Variants in ME1 observed in about 807,000 individuals in gnomAD.
ME1 encodes the protein NADP-dependent malic enzyme.
Under a neutral mutation model 66.4 loss-of-function variants are expected in ME1, and 74 were observed. The observed-to-expected ratio is 1.11, with a 90% CI of 0.92 to 1.35. The LOEUF is 1.35. ME1 is among the 40% of genes most tolerant of loss of function. The pLI, the probability that ME1 is intolerant of heterozygous loss-of-function variation, is 0.00. For missense variants in ME1, 750 were observed against 694.1 expected (o/e 1.08, Z -0.90); for synonymous variants, 251 against 235.6 (o/e 1.07, Z -0.60).
chr6:83,284,323 C>T (rs1350721305), intron 6 of ME1, among the ~76,000 whole-genome samples: 1 of 152,036 alleles, frequency 6.6e-6, no homozygotes, highest in Non-Finnish European at 1.5e-5. Context: ...CAAAGAAAAG[C>T]TGGTCCATAT....
At chr6:83,280,023 T>C (rs1364831214) in intron 6 of ME1, among the ~76,000 whole-genome samples, 1 of 152,166 alleles carries the variant, frequency 6.6e-6, no homozygotes, top group Non-Finnish European at 1.5e-5. Context: ...CATCATGTAA[T>C]ACACTGATAT....
intron 1 of ME1, among the ~76,000 whole-genome samples, chr6:83,429,159 A>G (rs1050951013): frequency 6.6e-6 from 1 of 152,142 alleles, no homozygotes; most frequent in Non-Finnish European, 1.5e-5. Context: ...GCTACTCGGG[A>G]GGCTGAGGCA....
At chr6:83,362,618 G>A (rs1350733522) in intron 3 of ME1, among the ~76,000 whole-genome samples, 4 of 152,244 alleles carry the variant, frequency 2.6e-5, no homozygotes, top group African/African-American at 9.6e-5. Context: ...CTGAGCCCTC[G>A]ATATGGTGCC....
At chr6:83,349,586 A>C (rs1768759997) in intron 4 of ME1, among the ~76,000 whole-genome samples, 1 of 152,128 alleles carries the variant, frequency 6.6e-6, no homozygotes, top group Non-Finnish European at 1.5e-5. Flanking sequence ...CCTTCATTTA[A>C]TTTCCCAAGG....
intron 6 of ME1, among the ~76,000 whole-genome samples, chr6:83,309,532 G>C (rs992489796): frequency 6.6e-6 from 1 of 152,132 alleles, no homozygotes; most frequent in Non-Finnish European, 1.5e-5. Context: ...GCAGGGCTGG[G>C]AGTCAGTGGG....
At position 83,319,555 on chromosome 6, in the gene ME1, C is replaced by A. The variant is rs370140235; in HGVS notation, c.601-4142G>T. On this transcript the variant is annotated intron_variant, in intron 5 of 13. Transcript: ENST00000369705. Reference sequence around the variant, plus strand: ...AGAGACACTTCAAATGAAAATAATTCTCTGGGTCCCCAATTTTCTGTAGTC... The same window carrying A: ...AGAGACACTTCAAATGAAAATAATTATCTGGGTCCCCAATTTTCTGTAGTC... 5.1e-4 allele frequency among the ~76,000 whole-genome samples: 78 copies of A among 152,226 alleles called. 1 individual carries two copies. Among genetic ancestry groups the A allele is most frequent in the African/African-American group, 1.7e-3 (72 of 41,556 alleles).
At position 83,298,931 on chromosome 6, in the gene ME1, G is replaced by GTTTTTTTTTTTTTT. The variant is rs61055748; in HGVS notation, c.704+16365_704+16378dup. On this transcript the variant is annotated intron_variant, in intron 6 of 13. Coordinates refer to ENST00000369705, the MANE Select transcript of ME1 (RefSeq NM_002395.6). ...TGCTGTTCCATTAGTCTATGTGTCTGTTTTTTTTTTTTTTTTTTTTTTTTT... is the reference window on the plus strand; with the variant it reads ...TGCTGTTCCATTAGTCTATGTGTCTGTTTTTTTTTTTTTTTTTTTTTTTTTTTTTTTTTTTTTTT... Among the ~76,000 whole-genome samples, 12 of 22,496 alleles carry GTTTTTTTTTTTTTT rather than the reference G, an allele frequency of 5.3e-4. 1 individual carries two copies. The highest frequency in any genetic ancestry group is 2.8e-3 in the East Asian group (2 of 708). The allele number at this position is 22,496 out of a possible 152,430, so 14.8% of individuals were successfully genotyped here.
At chr6:83,270,979 T>C (rs867113242) in intron 6 of ME1, among the ~76,000 whole-genome samples, 26 of 151,482 alleles carry the variant, frequency 1.7e-4, no homozygotes, top group Middle Eastern at 3.4e-3. Context: ...CAAACAAATT[T>C]AGTTAATTTC....
At chr6:83,331,740 C>A (rs373776633) in intron 5 of ME1, among the ~76,000 whole-genome samples, 1 of 152,084 alleles carries the variant, frequency 6.6e-6, no homozygotes, top group African/African-American at 2.4e-5. Context: ...GACTTCCAGC[C>A]CCCAGAACTG....
At chr6:83,218,254 C>T (rs1412057826) in intron 12 of ME1, among the ~76,000 whole-genome samples, 2 of 152,142 alleles carry the variant, frequency 1.3e-5, no homozygotes, top group African/African-American at 2.4e-5. Context: ...CACCCCCTTC[C>T]AGAAGGCTGA....
At chr6:83,298,626 A>G (rs1340208204) in intron 6 of ME1, among the ~76,000 whole-genome samples, 1 of 152,030 alleles carries the variant, frequency 6.6e-6, no homozygotes, top group Middle Eastern at 3.2e-3. Flanking sequence ...TGTTTCTGTC[A>G]TGAAATCTTT....
chr6:83,219,877 T>C (rs1189306260), intron 12 of ME1, among the ~76,000 whole-genome samples: 1 of 151,842 alleles, frequency 6.6e-6, no homozygotes, highest in Non-Finnish European at 1.5e-5. Context: ...CGTGAGCCAC[T>C]GCATCTGGCC....
intron 5 of ME1, among the ~76,000 whole-genome samples, chr6:83,327,748 G>A (rs1213497798): frequency 6.6e-6 from 1 of 152,076 alleles, no homozygotes; most frequent in African/African-American, 2.4e-5. Context: ...CTTGATGTCT[G>A]TCACCCACAC....
At chr6:83,424,674 G>A (rs868183657) in intron 1 of ME1, among the ~76,000 whole-genome samples, 61 of 152,184 alleles carry the variant, frequency 4.0e-4, no homozygotes, top group African/African-American at 1.4e-3. Context: ...GCAAGGGAAA[G>A]TGCTGTATTA....
intron 3 of ME1, among the ~76,000 whole-genome samples, chr6:83,358,218 C>A (rs964068899): frequency 6.6e-6 from 1 of 151,688 alleles, no homozygotes; most frequent in African/African-American, 2.4e-5. Flanking sequence ...TTGGCGTGAA[C>A]TGTTTACAGA....
chr6:83,288,296 T>C (rs1383900701), intron 6 of ME1, among the ~76,000 whole-genome samples: 1 of 152,172 alleles, frequency 6.6e-6, no homozygotes, highest in African/African-American at 2.4e-5. Context: ...AGGTCTTACA[T>C]TTAAGTCTTT....
At chr6:83,400,421 A>G (rs1769817495) in intron 2 of ME1, among the ~76,000 whole-genome samples, 3 of 152,130 alleles carry the variant, frequency 2.0e-5, no homozygotes, top group Admixed American at 2.0e-4. Flanking sequence ...AGCCATTTAA[A>G]TCTCCTTTCT....
chr6:83,275,468 T>C (rs1309362371), intron 6 of ME1, among the ~76,000 whole-genome samples: 2 of 142,254 alleles, frequency 1.4e-5, no homozygotes, highest in African/African-American at 2.6e-5. Flanking sequence ...TTTGATCTTT[T>C]TTTTTTTTTT....
At chr6:83,354,010 T>C (rs1768843559) in intron 3 of ME1, among the ~76,000 whole-genome samples, 1 of 152,206 alleles carries the variant, frequency 6.6e-6, no homozygotes, top group Admixed American at 6.5e-5. Context: ...TACCTGCTTC[T>C]TCTCAGGTTC....
Sources: gnomAD v4.1 joint callset for allele counts (sites outside exome capture counted in the v4.1 genomes callset) on GRCh38, gnomAD v4.1.1 for gene constraint, MANE v1.5 for transcripts, NCBI Gene and HGNC (gene_info 2026-07-23, HGNC 2026-07-21) for gene names.